The following AGBL1 variants were observed in gnomAD, a reference collection of about 807,000 sequenced individuals.
AGBL1 encodes AGBL carboxypeptidase 1.
A neutral mutation model predicts 118.9 loss-of-function variants in AGBL1; 130 were observed. That is an observed-to-expected ratio of 1.09 (90% CI 0.95 to 1.26). The LOEUF (loss-of-function observed/expected upper bound fraction) is 1.26, where lower values mean the gene tolerates loss of function less well. Among genes scored for constraint, AGBL1 ranks in the 50% most tolerant of loss-of-function variants. The probability of loss-of-function intolerance (pLI) is 0.00; values close to 1 mark genes in which losing one functional copy is unlikely to be tolerated. For missense variants in AGBL1, 1,584 were observed against 1,298.1 expected (o/e 1.22, Z -3.38); for synonymous variants, 555 against 478.9 (o/e 1.16, Z -2.08).
chr15:86,914,431 G>A lies in AGBL1; in HGVS notation c.*7137G>A, dbSNP rs138694039. The A allele has an allele frequency of 8.3e-4, 126 of 152,270 alleles. No individual in the cohort carries two copies. Among genetic ancestry groups the A allele is most frequent in the African/African-American group, 2.4e-3 (100 of 41,556 alleles). The allele number at this position is 152,270 out of a possible 1,614,324, so 9.4% of individuals were successfully genotyped here. On this transcript the variant is annotated 3_prime_UTR_variant, in exon 23 of 23. Coordinates refer to ENST00000614907, the MANE Select transcript of AGBL1 (RefSeq NM_001386094.1). ...AGTGCACCCATACTTAAAGAGACAC[G>A]TTTAGTAAATGATAGAGCTGGAATC...
At chr15:86,860,744 A>G (rs1596561043) in intron 22 of AGBL1, among the ~76,000 whole-genome samples, 1 of 151,208 alleles carries the variant, frequency 6.6e-6, no homozygotes, top group East Asian at 2.0e-4. Context: ...GTGTGTGCCT[A>G]TGAAGATACA....
At chr15:86,883,244 T>C (rs1289898339) in intron 22 of AGBL1, among the ~76,000 whole-genome samples, 1 of 152,256 alleles carries the variant, frequency 6.6e-6, no homozygotes, top group Non-Finnish European at 1.5e-5. Context: ...GCATCTTCTT[T>C]AGAAACACAA....
chr15:86,695,088 T>C (rs1264424599), intron 22 of AGBL1, among the ~76,000 whole-genome samples: 1 of 152,038 alleles, frequency 6.6e-6, no homozygotes, highest in Admixed American at 6.6e-5. Flanking sequence ...GGTTTGGGCA[T>C]TAGGGTGATG....
rs907127027 is a variant in AGBL1 at position 86,644,844 on chromosome 15, A to G, written c.2995-29429A>G. Among the ~76,000 whole-genome samples the G allele has an allele frequency of 5.0e-4, 57 of 114,212 alleles. 1 individual carries two copies. The highest frequency in any genetic ancestry group is 1.8e-3 in the African/African-American group (55 of 30,908). The allele number at this position is 114,212 out of a possible 152,430, so 74.9% of individuals were successfully genotyped here. A position where few individuals can be genotyped will look rare whatever the true frequency, so the allele number is the denominator to read the frequency against. ...GACATGGTGAAACCTCATCTCTACT[A>G]AAAATACAAAAAAAAAAAAAAAAAA... On this transcript the variant is annotated intron_variant, in intron 21 of 22. Transcript: ENST00000614907.
At chr15:86,458,053 A>T (rs964943791) in intron 18 of AGBL1, among the ~76,000 whole-genome samples, 16 of 144,528 alleles carry the variant, frequency 1.1e-4, no homozygotes, top group Non-Finnish European at 4.5e-5. Context: ...TTGGAAGCCA[A>T]ATACACTGTC....
At chr15:86,769,767 T>C (rs747225902) in intron 22 of AGBL1, among the ~76,000 whole-genome samples, 14 of 152,016 alleles carry the variant, frequency 9.2e-5, no homozygotes, top group Non-Finnish European at 1.8e-4. Flanking sequence ...AGCAGAAGTT[T>C]GAAATGCAAG....
rs527889074 is a variant in AGBL1, at chr15:86,635,112, C to T, written c.2995-39161C>T. Among the ~76,000 whole-genome samples the T allele has an allele frequency of 2.6e-5, 4 of 152,150 alleles. No individual in the cohort carries two copies. In the East Asian group the frequency reaches 7.7e-4, roughly 29 times the overall value. On this transcript the variant is annotated intron_variant, in intron 21 of 22. Transcript: ENST00000614907. The stretch of plus-strand genomic sequence containing the variant: ...TAATGATATATTCTCATTTAAGAGG[C>T]TGTGGAGAAGAGAAAAGAATGAGTG...
At chr15:86,136,174 A>C (rs958215026) in intron 1 of AGBL1, among the ~76,000 whole-genome samples, 4 of 152,186 alleles carry the variant, frequency 2.6e-5, no homozygotes, top group Non-Finnish European at 5.9e-5. Context: ...GTTCTGGCCA[A>C]ATTTACCTAC....
intron 23 of AGBL1, among the ~76,000 whole-genome samples, chr15:86,941,327 A>G (rs976661227): frequency 6.6e-6 from 1 of 152,224 alleles, no homozygotes; most frequent in African/African-American, 2.4e-5. Flanking sequence ...CAGTCAGGAG[A>G]AAAACTACAC....
chr15:86,905,422 T>G (rs563333490), intron 22 of AGBL1, among the ~76,000 whole-genome samples: 1 of 152,192 alleles, frequency 6.6e-6, no homozygotes, highest in African/African-American at 2.4e-5. Flanking sequence ...GAGAAATTAT[T>G]AGGAGTGCCA....
intron 22 of AGBL1, among the ~76,000 whole-genome samples, chr15:86,701,919 A>C (rs1410676602): frequency 8.1e-4 from 69 of 84,880 alleles, no homozygotes; most frequent in East Asian, 1.1e-3. Flanking sequence ...CCCATCCACT[A>C]CCCTTCCTTC....
intron 21 of AGBL1, among the ~76,000 whole-genome samples, chr15:86,570,638 C>T (rs146697839): frequency 1.1e-4 from 16 of 152,314 alleles, no homozygotes; most frequent in Non-Finnish European, 2.2e-4. Flanking sequence ...TCAAATCCAG[C>T]ACCATGTTGG....
At chr15:86,629,941 C>T (rs538773861) in intron 21 of AGBL1, among the ~76,000 whole-genome samples, 2 of 152,326 alleles carry the variant, frequency 1.3e-5, no homozygotes, top group South Asian at 4.1e-4. Context: ...AACTAATTAG[C>T]ATTACATTAA....
intron 23 of AGBL1, among the ~76,000 whole-genome samples, chr15:86,937,995 G>C (rs1471154683): frequency 2.0e-5 from 3 of 152,164 alleles, no homozygotes; most frequent in Non-Finnish European, 4.4e-5. Context: ...AAATTAAATA[G>C]AAGAAATGGC....
At chr15:86,394,207 AGTT>A (rs1474417660) in intron 17 of AGBL1, among the ~76,000 whole-genome samples, 1 of 152,128 alleles carries the variant, frequency 6.6e-6, no homozygotes, top group Admixed American at 6.6e-5. Flanking sequence ...CGGCTCCTAA[AGTT>A]GTTCTCTAAT....
chr15:86,600,114 C>A (rs2084470892), intron 21 of AGBL1, among the ~76,000 whole-genome samples: 1 of 152,016 alleles, frequency 6.6e-6, no homozygotes, highest in Admixed American at 6.6e-5. Context: ...CTGATCTGAG[C>A]ATGTATAGAA....
At chr15:86,881,638 TTTA>T (rs1036239439) in intron 22 of AGBL1, among the ~76,000 whole-genome samples, 11 of 152,144 alleles carry the variant, frequency 7.2e-5, no homozygotes, top group African/African-American at 2.6e-4. Flanking sequence ...GGTAGTGCTA[TTTA>T]TTTATTTATT....
intron 22 of AGBL1, among the ~76,000 whole-genome samples, chr15:86,872,250 C>T (rs534502169): frequency 4.6e-5 from 7 of 152,138 alleles, no homozygotes; most frequent in South Asian, 4.1e-4. Context: ...GCATTTTCCT[C>T]CTTAATAGAT....
intron 17 of AGBL1, among the ~76,000 whole-genome samples, chr15:86,337,420 G>T (rs867560357): frequency 1.3e-5 from 2 of 152,112 alleles, no homozygotes; most frequent in African/African-American, 4.8e-5. Context: ...GTCCATTGCC[G>T]CACTATTCAC....
Sources: allele counts gnomAD v4.1 joint callset (sites outside exome capture counted in the v4.1 genomes callset), GRCh38; gene constraint gnomAD v4.1.1; transcripts MANE v1.5; gene names NCBI Gene and HGNC (gene_info 2026-07-23, HGNC 2026-07-21).